NAF1: variants seen among roughly 807,000 people sequenced by gnomAD.
The protein encoded by NAF1 is H/ACA ribonucleoprotein complex non-core subunit NAF1.
In NAF1, 11 loss-of-function variants were observed where a neutral mutation model predicts 40.6. The observed-to-expected ratio is 0.27, with a 90% CI of 0.17 to 0.45. NAF1 has a LOEUF of 0.45. Ranked by LOEUF, NAF1 falls within the 20% of genes least tolerant of loss-of-function variation. The pLI, the probability that NAF1 is intolerant of heterozygous loss-of-function variation, is 1.00. For synonymous variants in NAF1, 260 were observed against 228.5 expected (o/e 1.14, Z -1.24); for missense variants, 607 against 611.1 (o/e 0.99, Z 0.07).
chr4:163,111,971 A>T (rs891960428), intron 2 of NAF1, among the ~76,000 whole-genome samples: 10 of 152,186 alleles, frequency 6.6e-5, no homozygotes, highest in African/African-American at 2.4e-4. Flanking sequence ...GCCATTGATG[A>T]CTTTGAAAAG....
chr4:163,114,976 AC>A (rs1327806724), intron 2 of NAF1, among the ~76,000 whole-genome samples: 1 of 151,992 alleles, frequency 6.6e-6, no homozygotes, highest in Non-Finnish European at 1.5e-5. Flanking sequence ...TATTTCACTT[AC>A]ATTTTTACAT....
At chr4:163,116,937 T>C (rs1285840087) in intron 2 of NAF1, among the ~76,000 whole-genome samples, 4 of 152,252 alleles carry the variant, frequency 2.6e-5, no homozygotes, top group Non-Finnish European at 5.9e-5. Flanking sequence ...CATGTCCCAT[T>C]ACTTCCAGGA....
rs370844754 is a variant in NAF1 at position 163,166,415 on chromosome 4, C to A, written c.313G>T (p.Ala105Ser). The change falls in exon 1 of 8, where the codon GCG becomes TCG. Residue 105 changes from alanine to serine, a missense_variant. Ala to Ser is a moderately conservative substitution (Grantham distance 99). Transcript: ENST00000274054. ...CVTSPGAAEPARAPDSLETSD... is the reference protein window; with the variant it reads ...CVTSPGAAEPSRAPDSLETSD... ...GTCTCCAAGGAGTCCGGCGCCCGCG[C>A]AGGCTCTGCGGCTCCTGGGGAGGTG... 1.2e-5 allele frequency: 19 copies of A among 1,607,980 alleles called. No homozygotes were observed. The highest frequency in any genetic ancestry group is 1.6e-5 in the Non-Finnish European group (19 of 1,176,860).
At chr4:163,137,931 T>C (rs898545013) in intron 5 of NAF1, among the ~76,000 whole-genome samples, 3 of 152,164 alleles carry the variant, frequency 2.0e-5, no homozygotes, top group African/African-American at 4.8e-5. Context: ...AGTTTTACAC[T>C]TTACATCCAA....
At chr4:163,107,345 A>G (rs1730064238), downstream of NAF1, among the ~76,000 whole-genome samples, 1 of 152,190 alleles carries the variant, frequency 6.6e-6, no homozygotes, top group South Asian at 2.1e-4. Context: ...TGGGCCCAAA[A>G]GCAAGTCTCT....
At position 163,133,157 on chromosome 4, in the gene NAF1, G is replaced by A. The variant is rs370518943; in HGVS notation, c.1030C>T (p.Pro344Ser). ...RKKLKSEFNE[P>S]GEDFTEVHQN... ...TATATATATTGTATTCACTCACCAG[G>A]CTCATTAAATTCAGATTTGAGTTTT... Residue 344 changes from proline to serine, a missense_variant, in exon 7 of 8, where the codon CCT (proline) becomes TCT (serine). Pro to Ser is a moderately conservative substitution (Grantham distance 74). Coordinates refer to ENST00000274054, the MANE Select transcript of NAF1 (RefSeq NM_138386.3). 22 of 1,610,630 alleles carry A rather than the reference G, an allele frequency of 1.4e-5. No homozygotes were observed. Among genetic ancestry groups the A allele is most frequent in the Non-Finnish European group, 1.9e-5 (22 of 1,177,246 alleles).
rs1354683031 is a variant in NAF1, at chr4:163,148,492, A to T, written c.541-58T>A. 4.0e-6 allele frequency: 5 copies of T among 1,238,808 alleles called. No individual in the cohort carries two copies. In the African/African-American group the frequency reaches 6.2e-5, roughly 15 times the overall value. 76.7% of individuals were successfully genotyped at this position (1,238,808 alleles called of 1,614,324 possible). ...TCCTCCAGCTTCAACAACTTAAAAA[A>T]AATAAATTTTCCATTTTAAGTGCTA... On this transcript the variant is annotated intron_variant, in intron 2 of 7. Transcript: ENST00000274054.
chr4:163,156,790 G>A (rs1732004139), intron 2 of NAF1, among the ~76,000 whole-genome samples: 1 of 152,104 alleles, frequency 6.6e-6, no homozygotes, highest in Admixed American at 6.5e-5. Flanking sequence ...ACTTGGAAAT[G>A]GAGATTTGTG....
intron 2 of NAF1, among the ~76,000 whole-genome samples, chr4:163,118,686 G>A (rs1243037680): frequency 6.6e-6 from 1 of 152,206 alleles, no homozygotes; most frequent in Non-Finnish European, 1.5e-5. Flanking sequence ...CCGGGAGGTA[G>A]AGGCTGCAGT....
chr4:163,121,734 T>C (rs1015405704), downstream of NAF1, among the ~76,000 whole-genome samples: 3 of 152,232 alleles, frequency 2.0e-5, no homozygotes, highest in East Asian at 3.8e-4. Context: ...TTAGCACTTA[T>C]AGAAGTACAT....
intron 5 of NAF1, among the ~76,000 whole-genome samples, chr4:163,139,608 T>TA (rs1285117138): frequency 6.6e-6 from 1 of 151,978 alleles, no homozygotes; most frequent in African/African-American, 2.4e-5. Flanking sequence ...AGCACAAATA[T>TA]AAAAAAATAT....
intron 2 of NAF1, among the ~76,000 whole-genome samples, chr4:163,149,029 G>A (rs780561591): frequency 2.6e-5 from 4 of 152,102 alleles, no homozygotes; most frequent in Non-Finnish European, 4.4e-5. Context: ...GGTGTTGCCT[G>A]ATACCTTCTC....
At chr4:163,127,185 A>AATGGTG, downstream of NAF1, 1 of 1,507,542 alleles carries the variant, frequency 6.6e-7, no homozygotes, top group Non-Finnish European at 8.9e-7. Flanking sequence ...GCTGGAGTGC[A>AATGGTG]ATGGTGTGAT....
chr4:163,144,715 CA>C (rs1262777049), intron 4 of NAF1, among the ~76,000 whole-genome samples: 1 of 152,088 alleles, frequency 6.6e-6, no homozygotes, highest in Non-Finnish European at 1.5e-5. Context: ...AGGCTTATGC[CA>C]TATAACTAAA....
chr4:163,139,394 T>G (rs1020591499), intron 5 of NAF1, among the ~76,000 whole-genome samples: 4 of 152,076 alleles, frequency 2.6e-5, no homozygotes, highest in African/African-American at 9.7e-5. Context: ...CACTCCCAAT[T>G]TGAAAATATT....
In NAF1 at chr4:163,129,236, G is replaced by A; in HGVS notation, c.1146C>T (p.Tyr382=). ...EFTRGFSRAR[Y]PRSCHGRPPP... is the part of the protein sequence containing the mutation. The stretch of plus-strand genomic sequence containing the variant: ...GAGGCCTGCCATGGCAAGATCGAGG[G>A]TATCTGGCCCTGGAAAATCCTCGTG... Residue 382 remains tyrosine, a synonymous_variant, in exon 8 of 8, where the codon TAC becomes TAT. Transcript: ENST00000274054. 1 of 1,613,848 alleles carries A rather than the reference G, an allele frequency of 6.2e-7. No individual in the cohort carries two copies. Among genetic ancestry groups the A allele is most frequent in the Non-Finnish European group, 8.5e-7 (1 of 1,179,770 alleles).
chr4:163,142,013 T>A, intron 4 of NAF1: 1 of 692,936 alleles, frequency 1.4e-6, no homozygotes, highest in Non-Finnish European at 1.8e-6. Flanking sequence ...GCCAATGTAT[T>A]ATGAAATAAC....
chr4:163,161,480 CA>C (rs1015179781), intron 2 of NAF1, among the ~76,000 whole-genome samples: 56 of 124,276 alleles, frequency 4.5e-4, no homozygotes, highest in Admixed American at 5.6e-4. Context: ...CCCCCCTCAC[CA>C]AAAAAAAAAA....
downstream of NAF1, among the ~76,000 whole-genome samples, chr4:163,127,897 C>A (rs981649070): frequency 2.0e-5 from 3 of 152,260 alleles, no homozygotes; most frequent in Non-Finnish European, 4.4e-5. Flanking sequence ...GTGGAAACTG[C>A]TAATAAGAAA....
Sources: allele counts gnomAD v4.1 joint callset (sites outside exome capture counted in the v4.1 genomes callset), GRCh38; gene constraint gnomAD v4.1.1; transcripts MANE v1.5; gene names NCBI Gene and HGNC (gene_info 2026-07-23, HGNC 2026-07-21).